Variants in DLGAP1 observed in about 807,000 individuals in gnomAD.
DLGAP1 encodes the protein disks large-associated protein 1.
In DLGAP1, 11 loss-of-function variants were observed where a neutral mutation model predicts 90.8. The ratio of observed to expected loss-of-function variants is 0.12; its 90% CI spans 0.08 to 0.20. The LOEUF (loss-of-function observed/expected upper bound fraction) is 0.20. DLGAP1 is among the 10% of genes least tolerant of loss of function. The pLI is 1.00. For missense variants in DLGAP1, 1,050 were observed against 1,333.8 expected, an observed-to-expected ratio of 0.79 and a Z score of 3.31; for synonymous variants, 558 against 540.7, an observed-to-expected ratio of 1.03 and a Z score of -0.44.
chr18:4,064,419 T>G (rs2075342362), intron 2 of DLGAP1, among the ~76,000 whole-genome samples: 1 of 131,580 alleles, frequency 7.6e-6, no homozygotes, highest in African/African-American at 3.2e-5. Context: ...AGATTTTTCT[T>G]GAAAAAATTA....
intron 3 of DLGAP1, among the ~76,000 whole-genome samples, chr18:3,919,508 C>A (rs1337073711): frequency 1.3e-5 from 2 of 152,070 alleles, no homozygotes; most frequent in East Asian, 3.9e-4. Flanking sequence ...CAAGGAGGTC[C>A]CAGAGCCATA....
chr18:3,808,850 A>T (rs2066691402), intron 5 of DLGAP1, among the ~76,000 whole-genome samples: 1 of 152,208 alleles, frequency 6.6e-6, no homozygotes, highest in Non-Finnish European at 1.5e-5. Context: ...AAGAGACTCC[A>T]GCAAGAGGCT....
intron 1 of DLGAP1, among the ~76,000 whole-genome samples, chr18:4,350,632 G>A (rs1281434241): frequency 1.3e-5 from 2 of 152,024 alleles, no homozygotes; most frequent in East Asian, 1.9e-4. Flanking sequence ...ACAAAGCTGG[G>A]GTGCTACAGT....
intron 5 of DLGAP1, among the ~76,000 whole-genome samples, chr18:3,786,167 A>G (rs547406322): frequency 1.3e-5 from 2 of 152,280 alleles, no homozygotes; most frequent in East Asian, 3.9e-4. Flanking sequence ...ACTTAATCAC[A>G]TCTGCAAAGT....
chr18:3,936,075 CAG>C (rs1475667677), intron 3 of DLGAP1, among the ~76,000 whole-genome samples: 2 of 152,194 alleles, frequency 1.3e-5, no homozygotes, highest in African/African-American at 4.8e-5. Flanking sequence ...TGCCATCTTA[CAG>C]AGTCTTAACC....
intron 1 of DLGAP1, among the ~76,000 whole-genome samples, chr18:4,162,537 A>C (rs1415270917): frequency 6.6e-6 from 1 of 152,216 alleles, no homozygotes; most frequent in African/African-American, 2.4e-5. Flanking sequence ...AAGGAAGTAA[A>C]TAATCTGAAA....
chr18:3,874,413 T>G lies in DLGAP1; in HGVS notation c.957+4699A>C, dbSNP rs548171093. 98 of 1,442,418 alleles carry G rather than the reference T, an allele frequency of 6.8e-5. No homozygotes were observed. In the African/African-American group the frequency reaches 1.3e-3, roughly 19 times the overall value. 89.4% of individuals were successfully genotyped at this position (1,442,418 alleles called of 1,614,324 possible). ...GTTTGAAGGGATTTTTCTTTTAGGT[T>G]AACAGTTGGAAATCTAAAATCTTGC... On this transcript the variant is annotated intron_variant, in intron 4 of 12. Transcript: ENST00000315677.
At chr18:3,637,860 G>A (rs547570664) in intron 7 of DLGAP1, among the ~76,000 whole-genome samples, 77 of 150,804 alleles carry the variant, frequency 5.1e-4, no homozygotes, top group Middle Eastern at 7.0e-3. Context: ...CCTGACTTAC[G>A]TTTCTTTGGC....
chr18:3,683,456 TAGAA>T (rs773501626), intron 7 of DLGAP1, among the ~76,000 whole-genome samples: 6 of 152,236 alleles, frequency 3.9e-5, no homozygotes, highest in East Asian at 1.9e-4. Context: ...AGATTAGACT[TAGAA>T]AGCCTCCAAA....
rs568144994 is a variant in DLGAP1 at position 3,840,932 on chromosome 18, T to A, written c.958-26659A>T. Among the ~76,000 whole-genome samples the A allele has an allele frequency of 1.5e-4, 23 of 152,310 alleles. No homozygotes were observed. The South Asian group carries it at 1.7e-3, about 11-fold the overall frequency. Reference sequence around the variant, plus strand: ...TTCCAGCTGACTGTGTGCGTCTGTGTTCTGGTTTGAATTAAAGGAACCTAA... The same window carrying A: ...TTCCAGCTGACTGTGTGCGTCTGTGATCTGGTTTGAATTAAAGGAACCTAA... On this transcript the variant is annotated intron_variant, in intron 4 of 12. Coordinates refer to ENST00000315677, the MANE Select transcript of DLGAP1 (RefSeq NM_004746.4).
chr18:3,704,992 A>G (rs2061389572), intron 7 of DLGAP1, among the ~76,000 whole-genome samples: 1 of 152,234 alleles, frequency 6.6e-6, no homozygotes. Flanking sequence ...TTATAACACT[A>G]TATTTGGGGA....
intron 2 of DLGAP1, among the ~76,000 whole-genome samples, chr18:4,065,795 A>C (rs2075362054): frequency 6.6e-6 from 1 of 152,084 alleles, no homozygotes; most frequent in Non-Finnish European, 1.5e-5. Context: ...TACCACTGAC[A>C]TTCTTTGCAG....
intron 4 of DLGAP1, among the ~76,000 whole-genome samples, chr18:3,844,523 A>G (rs2068896410): frequency 6.6e-6 from 1 of 152,194 alleles, no homozygotes; most frequent in Admixed American, 6.5e-5. Flanking sequence ...TAGAGTAACC[A>G]AGGTAGCAAT....
At chr18:3,780,938 T>G (rs190408544) in intron 5 of DLGAP1, among the ~76,000 whole-genome samples, 1 of 152,120 alleles carries the variant, frequency 6.6e-6, no homozygotes, top group African/African-American at 2.4e-5. Flanking sequence ...GTCTCCCAAG[T>G]AGCTAGGACT....
chr18:3,607,364 C>T (rs1301015588), intron 7 of DLGAP1: 1 of 151,840 alleles, frequency 6.6e-6, no homozygotes, highest in Admixed American at 6.6e-5. Context: ...TGTTTTGTTG[C>T]CCAGGCTGGT....
chr18:4,415,928 T>C (rs1284424838), intron 1 of DLGAP1, among the ~76,000 whole-genome samples: 1 of 152,174 alleles, frequency 6.6e-6, no homozygotes, highest in East Asian at 1.9e-4. Context: ...TTTTAGTTTT[T>C]CAGAACTTGT....
intron 2 of DLGAP1, among the ~76,000 whole-genome samples, chr18:4,042,522 G>T (rs570432946): frequency 6.6e-4 from 100 of 152,324 alleles, no homozygotes; most frequent in African/African-American, 2.2e-3. Context: ...CCGATCACCT[G>T]ATGTCAGGAG....
chr18:3,742,199 C>G, intron 6 of DLGAP1, 136 bp downstream of exon 6: 1 of 1,134,302 alleles, frequency 8.8e-7, no homozygotes, highest in South Asian at 1.6e-5. Context: ...CTTTGCAGCA[C>G]TTGACTGGAC....
intron 7 of DLGAP1, chr18:3,680,117 CCT>C (rs2146879098): frequency 6.6e-6 from 1 of 152,368 alleles, no homozygotes; most frequent in South Asian, 2.1e-4. Flanking sequence ...GTGTGGCCCT[CCT>C]CTCTCTAACG....
Sources: allele counts gnomAD v4.1 joint callset (sites outside exome capture counted in the v4.1 genomes callset), GRCh38; gene constraint gnomAD v4.1.1; transcripts MANE v1.5; gene names NCBI Gene and HGNC (gene_info 2026-07-23, HGNC 2026-07-21).